Variants in NALF1 observed in about 807,000 individuals in gnomAD.
The protein encoded by NALF1 is family with sequence similarity 155 member A.
In NALF1, 3 loss-of-function variants were observed where a neutral mutation model predicts 48.4. The ratio of observed to expected loss-of-function variants is 0.06; its 90% confidence interval spans 0.03 to 0.16. The LOEUF is 0.16. NALF1 is among the 10% of genes least tolerant of loss of function. The probability of loss-of-function intolerance (pLI) is 1.00; values close to 1 mark genes in which losing one functional copy is unlikely to be tolerated. For synonymous variants in NALF1, 262 were observed against 245.7 expected, an observed-to-expected ratio of 1.07 and a Z score of -0.62; for missense variants, 526 against 571.5, an observed-to-expected ratio of 0.92 and a Z score of 0.81.
chr13:107,754,935 G>A (rs76923541), intron 1 of NALF1, among the ~76,000 whole-genome samples: 2,562 of 152,080 alleles, frequency 0.017, 61 homozygotes, highest in African/African-American at 0.058. Context: ...TGTTTTCCTC[G>A]AATTTATTTT....
intron 2 of NALF1, among the ~76,000 whole-genome samples, chr13:107,193,733 C>G (rs564437809): frequency 6.6e-6 from 1 of 152,098 alleles, no homozygotes; most frequent in African/African-American, 2.4e-5. Flanking sequence ...GAGACTCTAG[C>G]GCCACGTGTC....
chr13:107,431,469 G>T (rs1314251537), intron 1 of NALF1, among the ~76,000 whole-genome samples: 1 of 152,188 alleles, frequency 6.6e-6, no homozygotes, highest in Non-Finnish European at 1.5e-5. Flanking sequence ...CTAATGCCAT[G>T]ATGCCATTTC....
At chr13:107,599,548 A>T (rs1393480475) in intron 1 of NALF1, among the ~76,000 whole-genome samples, 2 of 152,166 alleles carry the variant, frequency 1.3e-5, no homozygotes, top group Admixed American at 6.5e-5. Context: ...CCATTTTTCT[A>T]CATTTCAGCC....
intron 1 of NALF1, among the ~76,000 whole-genome samples, chr13:107,328,736 C>A (rs1267772274): frequency 3.3e-5 from 5 of 152,152 alleles, no homozygotes; most frequent in Non-Finnish European, 7.3e-5. Flanking sequence ...ACCTTGCAAT[C>A]CATATGCTAA....
At chr13:107,666,137 G>T (rs1203891818) in intron 1 of NALF1, among the ~76,000 whole-genome samples, 2 of 152,064 alleles carry the variant, frequency 1.3e-5, no homozygotes, top group African/African-American at 4.8e-5. Flanking sequence ...AGGACTCTGT[G>T]GTGAAGTTTT....
intron 1 of NALF1, among the ~76,000 whole-genome samples, chr13:107,610,195 T>G (rs1345939131): frequency 6.6e-6 from 1 of 152,208 alleles, no homozygotes; most frequent in Non-Finnish European, 1.5e-5. Flanking sequence ...GACAAGCACC[T>G]GGGCAGTATC....
At chr13:107,219,520 G>T (rs1293573662) in intron 1 of NALF1, among the ~76,000 whole-genome samples, 1 of 152,144 alleles carries the variant, frequency 6.6e-6, no homozygotes, top group Admixed American at 6.5e-5. Flanking sequence ...CTAATCTAAG[G>T]ATATAAAGGG....
chr13:107,795,761 T>C (rs2039953), intron 1 of NALF1, among the ~76,000 whole-genome samples: 18,216 of 152,254 alleles, frequency 0.12, 1,280 homozygotes, highest in Middle Eastern at 0.24. Context: ...AAGTTTAACA[T>C]ACGTTTCCAT....
intron 1 of NALF1, among the ~76,000 whole-genome samples, chr13:107,440,763 G>A (rs1347390171): frequency 6.6e-6 from 1 of 152,114 alleles, no homozygotes; most frequent in Non-Finnish European, 1.5e-5. Context: ...TTAAAATCTA[G>A]GTGTTTTCGT....
intron 1 of NALF1, among the ~76,000 whole-genome samples, chr13:107,660,480 C>A (rs5806677): frequency 0.053 from 3,467 of 65,824 alleles, 120 homozygotes; most frequent in African/African-American, 0.16. Context: ...CACACACACA[C>A]ACACAACAAA....
intron 1 of NALF1, among the ~76,000 whole-genome samples, chr13:107,550,536 G>T (rs1021967462): frequency 9.9e-5 from 15 of 152,024 alleles, no homozygotes; most frequent in Non-Finnish European, 8.8e-5. Flanking sequence ...TCACAACCTT[G>T]TCCGCCAGCA....
intron 1 of NALF1, among the ~76,000 whole-genome samples, chr13:107,246,293 C>T (rs1482215648): frequency 6.6e-6 from 1 of 152,112 alleles, no homozygotes; most frequent in African/African-American, 2.4e-5. Flanking sequence ...CATCATACAG[C>T]CATTTCTTTA....
chr13:107,562,645 A>G (rs1877680869), intron 1 of NALF1, among the ~76,000 whole-genome samples: 1 of 152,234 alleles, frequency 6.6e-6, no homozygotes. Flanking sequence ...CAGCTGACAA[A>G]TGTGAACTTC....
intron 1 of NALF1, among the ~76,000 whole-genome samples, chr13:107,610,241 T>C (rs1443501097): frequency 2.0e-5 from 3 of 151,126 alleles, no homozygotes; most frequent in African/African-American, 7.3e-5. Flanking sequence ...ACATATGACC[T>C]ATCTGTTCTC....
intron 1 of NALF1, among the ~76,000 whole-genome samples, chr13:107,567,145 A>G (rs930650511): frequency 5.3e-5 from 8 of 152,196 alleles, no homozygotes; most frequent in Admixed American, 2.0e-4. Flanking sequence ...TATATGTGAT[A>G]ACGTAGTTAA....
chr13:107,368,019 C>T lies in NALF1; in HGVS notation c.916-157264G>A, dbSNP rs187227121. On this transcript the variant is annotated intron_variant, in intron 1 of 2. Coordinates refer to ENST00000375915, the MANE Select transcript of NALF1 (RefSeq NM_001080396.3). ...AATACTTTCATGTGAATAATTTGAG[C>T]GTTTTAATCCTATGTATATAAAATA... 9.1e-4 allele frequency among the ~76,000 whole-genome samples: 139 copies of T among 152,240 alleles called. 1 individual carries two copies. Among genetic ancestry groups the T allele is most frequent in the African/African-American group, 2.8e-3 (115 of 41,552 alleles).
chr13:107,358,920 A>G (rs933640930), intron 1 of NALF1, among the ~76,000 whole-genome samples: 1 of 152,150 alleles, frequency 6.6e-6, no homozygotes, highest in Admixed American at 6.6e-5. Context: ...GCGTATTCTG[A>G]AAATGCCACT....
At chr13:107,475,930 T>G (rs1035424687) in intron 1 of NALF1, among the ~76,000 whole-genome samples, 2 of 152,054 alleles carry the variant, frequency 1.3e-5, no homozygotes, top group Admixed American at 1.3e-4. Context: ...AGGAGAGTTA[T>G]AAATAGTAAG....
chr13:107,803,209 G>A (rs1343050925), intron 1 of NALF1, among the ~76,000 whole-genome samples: 3 of 152,066 alleles, frequency 2.0e-5, no homozygotes, highest in Admixed American at 6.6e-5. Context: ...TGAAAGAAGC[G>A]AACAAATGGC....
Sources: gnomAD v4.1 joint callset for allele counts (sites outside exome capture counted in the v4.1 genomes callset) on GRCh38, gnomAD v4.1.1 for gene constraint, MANE v1.5 for transcripts, NCBI Gene and HGNC (gene_info 2026-07-23, HGNC 2026-07-21) for gene names.